The following AP2M1 variants were observed in gnomAD, a reference collection of about 807,000 sequenced individuals.
The protein encoded by AP2M1 is adaptor related protein complex 2 subunit mu 1, also known as AP-2 complex subunit mu.
In AP2M1, 5 loss-of-function variants were observed where a neutral mutation model predicts 54.5. The ratio of observed to expected loss-of-function variants is 0.09; its 90% CI spans 0.05 to 0.19. The LOEUF (loss-of-function observed/expected upper bound fraction) is 0.19, where lower values mean the gene tolerates loss of function less well. AP2M1 is among the 10% of genes least tolerant of loss of function. The pLI is 1.00. For missense variants in AP2M1, 178 were observed against 580.2 expected (o/e 0.31, Z 7.12); for synonymous variants, 186 against 208.2 (o/e 0.89, Z 0.92).
rs1423236649 is a variant in AP2M1 at position 184,180,672 on chromosome 3, C to T, written c.429+22C>T. The stretch of plus-strand genomic sequence containing the variant: ...TCAGGTAAGCTCTTCCCTCAGCTTC[C>T]ACCCTTGCAGCTTTGCTTTGTTTCT... On this transcript the variant is annotated intron_variant, in intron 5 of 11. Coordinates refer to ENST00000292807, the MANE Select transcript of AP2M1 (RefSeq NM_004068.4). This position sits in a 1 kb window ranked among gnomAD's most constrained non-coding sequence, Gnocchi z 4.9. 1 of 1,614,238 alleles carries T rather than the reference C, an allele frequency of 6.2e-7. No homozygotes were observed. Among genetic ancestry groups the T allele is most frequent in the Admixed American group, 1.7e-5 (1 of 60,034 alleles).
In AP2M1 at chr3:184,181,711, T is replaced by C. The variant is rs756393805; in HGVS notation, c.723T>C (p.Ile241=). ...CTGCTTGCAGCGGGAAGCAATCAAT[T>C]GCCATTGATGACTGCACCTTCCACC... ...DETSKSGKQS[I]AIDDCTFHQC... is the part of the protein sequence containing the mutation. Residue 241 remains isoleucine, a synonymous_variant, in exon 8 of 12, where the codon ATT becomes ATC. Coordinates refer to ENST00000292807, the MANE Select transcript of AP2M1 (RefSeq NM_004068.4). This position sits in a 1 kb window ranked among gnomAD's most constrained non-coding sequence, Gnocchi z 5.7. The C allele has an allele frequency of 1.2e-6, 2 of 1,613,772 alleles. No individual in the cohort carries two copies. The highest frequency in any genetic ancestry group is 1.7e-5 in the Admixed American group (1 of 59,998).
chr3:184,179,841 T>A (rs1312748667), intron 3 of AP2M1, among the ~76,000 whole-genome samples: 1 of 152,000 alleles, frequency 6.6e-6, no homozygotes, highest in Non-Finnish European at 1.5e-5. Context: ...TTACTACTTT[T>A]TGTAGAGCTG....
At position 184,180,625 on chromosome 3, in the gene AP2M1, G is replaced by A. The variant is rs751405928; in HGVS notation, c.424-20G>A. On this transcript the variant is annotated intron_variant, in intron 4 of 11. Coordinates refer to ENST00000292807, the MANE Select transcript of AP2M1 (RefSeq NM_004068.4). The surrounding 1 kb of genome is among the most constrained non-coding windows in gnomAD (Gnocchi z 4.9). ...CCTTGCTGCTTCATGTGGGCACCTCGTTGGCCCTGCGGCCTCCAGCATCAG... is the reference window on the plus strand; with the variant it reads ...CCTTGCTGCTTCATGTGGGCACCTCATTGGCCCTGCGGCCTCCAGCATCAG... 18 of 1,613,802 alleles carry A rather than the reference G, an allele frequency of 1.1e-5. No homozygotes were observed. Among genetic ancestry groups the A allele is most frequent in the African/African-American group, 2.7e-5 (2 of 74,926 alleles).
intron 2 of AP2M1, chr3:184,177,612 G>C (rs755297968): frequency 1.9e-5 from 29 of 1,535,762 alleles, no homozygotes; most frequent in Middle Eastern, 3.3e-4. Context: ...GGCTGGAAGC[G>C]TGAGGCACTC....
rs550065852 is a variant in AP2M1, at chr3:184,180,857, A to G, written c.438A>G (p.Glu146=). 2.4e-5 allele frequency: 39 copies of G among 1,614,250 alleles called. No individual in the cohort carries two copies. The East Asian group carries it at 8.2e-4, about 34-fold the overall frequency. The change falls in exon 6 of 12, where the codon GAA becomes GAG. Residue 146 remains glutamate (E), a synonymous_variant. Coordinates refer to ENST00000292807, the MANE Select transcript of AP2M1 (RefSeq NM_004068.4). The surrounding 1 kb of genome is among the most constrained non-coding windows in gnomAD (Gnocchi z 4.9). ...TTTCTGCCCTCATGTAGACAAAAGA[A>G]GAGCAGTCACAGATCACCAGCCAGG... The part of the protein sequence containing the change: ...QGIKSQHQTK[E]EQSQITSQVT...
At chr3:184,179,366 C>T in intron 3 of AP2M1, 2 of 530,604 alleles carry the variant, frequency 3.8e-6, no homozygotes, top group Non-Finnish European at 6.7e-6. Context: ...GGCTAGGAAC[C>T]TGACTCAGGT....
rs368900561 is a variant in AP2M1, at chr3:184,181,865, G to A, written c.828-47G>A. The A allele has an allele frequency of 1.2e-6, 2 of 1,614,052 alleles. No individual in the cohort carries two copies. Among genetic ancestry groups the A allele is most frequent in the South Asian group, 2.2e-5 (2 of 91,058 alleles). On this transcript the variant is annotated intron_variant, in intron 8 of 11. Coordinates refer to ENST00000292807, the MANE Select transcript of AP2M1 (RefSeq NM_004068.4). The surrounding 1 kb of genome is among the most constrained non-coding windows in gnomAD (Gnocchi z 5.7). Reference sequence around the variant, plus strand: ...GCTAGTGCTGCTGGCAGACTGGGGAGAGGAAGTGGGTCAGCTCTTTGGTAA... The same window carrying A: ...GCTAGTGCTGCTGGCAGACTGGGGAAAGGAAGTGGGTCAGCTCTTTGGTAA...
At position 184,180,047 on chromosome 3, in the gene AP2M1, G is replaced by T; in HGVS notation, c.341-122G>T. The T allele has an allele frequency of 1.3e-6, 1 of 792,794 alleles. No individual in the cohort carries two copies. Among genetic ancestry groups the T allele is most frequent in the South Asian group, 1.6e-5 (1 of 61,776 alleles). 49.1% of individuals were successfully genotyped at this position (792,794 alleles called of 1,614,324 possible). A position where few individuals can be genotyped will look rare whatever the true frequency, so the allele number is the denominator to read the frequency against. On this transcript the variant is annotated intron_variant, in intron 3 of 11. Coordinates refer to ENST00000292807, the MANE Select transcript of AP2M1 (RefSeq NM_004068.4). This position sits in a 1 kb window ranked among gnomAD's most constrained non-coding sequence, Gnocchi z 4.9. ...CAGAATAAATGCTACAAAGCTAGAA[G>T]ACTTTCTTGCGGATGATCCCACATG...
At position 184,180,454 on chromosome 3, in the gene AP2M1, A is replaced by G. The variant is rs1444218784; in HGVS notation, c.424-191A>G. 13 of 1,071,756 alleles carry G rather than the reference A, an allele frequency of 1.2e-5. No homozygotes were observed. The highest frequency in any genetic ancestry group is 1.6e-5 in the Non-Finnish European group (12 of 736,470). The allele number at this position is 1,071,756 out of a possible 1,614,324, so 66.4% of individuals were successfully genotyped here. On this transcript the variant is annotated intron_variant, in intron 4 of 11. Transcript: ENST00000292807. The surrounding 1 kb of genome is among the most constrained non-coding windows in gnomAD (Gnocchi z 4.9). Reference sequence around the variant, plus strand: ...CAGCCAATTCAGCATCTCTATTACCAGGAATACAGCTCAAGCAGTTTCCTT... The same window carrying G: ...CAGCCAATTCAGCATCTCTATTACCGGGAATACAGCTCAAGCAGTTTCCTT...
Position 184,181,230 on chromosome 3 carries a change from C to G in AP2M1, c.707+4C>G. On this transcript the variant is annotated splice_donor_region_variant and intron_variant, in intron 7 of 11. Transcript: ENST00000292807. This position sits in a 1 kb window ranked among gnomAD's most constrained non-coding sequence, Gnocchi z 5.7. ...CAGCTGATGAAACAAGCAAGAGGTGCCTGAGGCAGGAGAGCTGGTGGGAGA... is the reference window on the plus strand; with the variant it reads ...CAGCTGATGAAACAAGCAAGAGGTGGCTGAGGCAGGAGAGCTGGTGGGAGA... The G allele has an allele frequency of 1.2e-6, 2 of 1,613,898 alleles. No homozygotes were observed. Among genetic ancestry groups the G allele is most frequent in the Non-Finnish European group, 1.7e-6 (2 of 1,179,986 alleles).
At chr3:184,175,400 C>T (rs907924076) in intron 1 of AP2M1, among the ~76,000 whole-genome samples, 1 of 151,864 alleles carries the variant, frequency 6.6e-6, no homozygotes, top group South Asian at 2.1e-4. Context: ...CCCCGCGGCT[C>T]TTCTTCCTTA....
At position 184,180,295 on chromosome 3, in the gene AP2M1, C is replaced by T. The variant is rs1458454729; in HGVS notation, c.423+44C>T. On this transcript the variant is annotated intron_variant, in intron 4 of 11. Transcript: ENST00000292807. The surrounding 1 kb of genome is among the most constrained non-coding windows in gnomAD (Gnocchi z 4.9). ...CTATAGTCAGGGTGGAGTCCAATCT[C>T]CCTTCATCTCAGCTGGCCCCTGAGC... is the stretch of plus-strand genomic sequence containing the variant. 1.3e-6 allele frequency: 2 copies of T among 1,599,780 alleles called. No individual in the cohort carries two copies. The highest frequency in any genetic ancestry group is 4.5e-5 in the East Asian group (2 of 44,764).
chr3:184,175,831 C>T (rs1715056904), intron 1 of AP2M1, among the ~76,000 whole-genome samples: 1 of 152,196 alleles, frequency 6.6e-6, no homozygotes, highest in Non-Finnish European at 1.5e-5. Flanking sequence ...TCTCCTCTCC[C>T]AGCCTGTTTG....
chr3:184,175,210 A>T (rs1715025217), intron 1 of AP2M1: 1 of 384,028 alleles, frequency 2.6e-6, no homozygotes, highest in Non-Finnish European at 4.6e-6. Context: ...TACCGCTTGG[A>T]ATCCTCCCAG....
Position 184,178,179 on chromosome 3 carries a change from G to T in AP2M1, c.75-678G>T. ...TTGCTATCACTCTCCTCTTCTTGCTGGCGTCATTTCTCTCATCCCATCTCA... is the reference window on the plus strand; with the variant it reads ...TTGCTATCACTCTCCTCTTCTTGCTTGCGTCATTTCTCTCATCCCATCTCA... On this transcript the variant is annotated intron_variant, in intron 2 of 11. Transcript: ENST00000292807. This position sits in a 1 kb window ranked among gnomAD's most constrained non-coding sequence, Gnocchi z 4.9. 2 of 1,534,308 alleles carry T rather than the reference G, an allele frequency of 1.3e-6. No homozygotes were observed. Among genetic ancestry groups the T allele is most frequent in the Non-Finnish European group, 1.7e-6 (2 of 1,145,202 alleles).
chr3:184,179,774 C>T (rs11928530), intron 3 of AP2M1, among the ~76,000 whole-genome samples: 4,798 of 151,720 alleles, frequency 0.032, 245 homozygotes, highest in African/African-American at 0.11. Context: ...AATCCTCCAG[C>T]CTTAGCCTCC....
chr3:184,179,138 T>A lies in AP2M1; in HGVS notation c.340+16T>A. ...CTGCTGGATGGTGAGGCTGGCGGGCTGGCACGGCAGCGGGCGTAGGGTGGG... is the reference window on the plus strand; with the variant it reads ...CTGCTGGATGGTGAGGCTGGCGGGCAGGCACGGCAGCGGGCGTAGGGTGGG... On this transcript the variant is annotated intron_variant, in intron 3 of 11. Transcript: ENST00000292807. The A allele has an allele frequency of 6.2e-7, 1 of 1,609,488 alleles. No individual in the cohort carries two copies. The highest frequency in any genetic ancestry group is 8.5e-7 in the Non-Finnish European group (1 of 1,176,222).
In AP2M1 at chr3:184,180,629, G is replaced by A; in HGVS notation, c.424-16G>A. Reference sequence around the variant, plus strand: ...GCTGCTTCATGTGGGCACCTCGTTGGCCCTGCGGCCTCCAGCATCAGGTAA... The same window carrying A: ...GCTGCTTCATGTGGGCACCTCGTTGACCCTGCGGCCTCCAGCATCAGGTAA... On this transcript the variant is annotated splice_polypyrimidine_tract_variant and intron_variant, in intron 4 of 11. Transcript: ENST00000292807. This position sits in a 1 kb window ranked among gnomAD's most constrained non-coding sequence, Gnocchi z 4.9. 6.2e-7 allele frequency: 1 copy of A among 1,613,964 alleles called. No individual in the cohort carries two copies.
chr3:184,179,361 G>C, intron 3 of AP2M1: 1 of 537,934 alleles, frequency 1.9e-6, no homozygotes, highest in South Asian at 2.3e-5. Context: ...CAAGGGGCTA[G>C]GAACCTGACT....
Sources: gnomAD v4.1 joint callset for allele counts (sites outside exome capture counted in the v4.1 genomes callset) on GRCh38, gnomAD v4.1.1 for gene constraint, Gnocchi (gnomAD v3.1) non-coding constraint, MANE v1.5 for transcripts, NCBI Gene and HGNC (gene_info 2026-07-23, HGNC 2026-07-21) for gene names.